Variants in NR2F1-AS1 observed in about 807,000 individuals in gnomAD.
The protein encoded by NR2F1-AS1 is NR2F1 regulatory antisense RNA 1, also known as NR2F1 antisense RNA 1.
chr5:93,503,919 T>C (rs1318315685), intron 4 of NR2F1-AS1, among the ~76,000 whole-genome samples: 1 of 152,290 alleles, frequency 6.6e-6, no homozygotes, highest in Non-Finnish European at 1.5e-5. Context: ...AGCATGGCTA[T>C]ATGCTGAGTC....
chr5:93,518,451 C>T (rs894807014), intron 4 of NR2F1-AS1, among the ~76,000 whole-genome samples: 2 of 152,026 alleles, frequency 1.3e-5, no homozygotes, highest in African/African-American at 4.8e-5. Flanking sequence ...TTCAATAACC[C>T]TTTCAGGGAG....
intron 1 of NR2F1-AS1, chr5:93,569,962 T>C (rs974865757): frequency 6.6e-6 from 1 of 152,160 alleles, no homozygotes; most frequent in African/African-American, 2.4e-5. Context: ...TCCCAACAGA[T>C]TGGCTGGAGG....
intron 4 of NR2F1-AS1, among the ~76,000 whole-genome samples, chr5:93,459,214 T>A (rs933757235): frequency 5.3e-5 from 8 of 152,148 alleles, no homozygotes; most frequent in African/African-American, 1.9e-4. Context: ...ATTCAGATAT[T>A]TCAGATAATT....
At chr5:93,442,874 C>A (rs961836091) in intron 4 of NR2F1-AS1, among the ~76,000 whole-genome samples, 1 of 152,190 alleles carries the variant, frequency 6.6e-6, no homozygotes, top group African/African-American at 2.4e-5. Context: ...GCAACATTTG[C>A]CGTTTTGCAA....
chr5:93,430,946 G>A (rs1749299490), intron 4 of NR2F1-AS1, among the ~76,000 whole-genome samples: 1 of 151,212 alleles, frequency 6.6e-6, no homozygotes, highest in Admixed American at 6.6e-5. Flanking sequence ...AATCCTAAGG[G>A]GTCAGCACTA....
chr5:93,488,154 T>G lies in NR2F1-AS1; in HGVS notation n.638+65607A>C, dbSNP rs183948422. 3.1e-3 allele frequency among the ~76,000 whole-genome samples: 479 copies of G among 152,076 alleles called. 4 individuals are homozygous for G. The highest frequency in any genetic ancestry group is 2.2e-3 in the Non-Finnish European group (149 of 67,960). On this transcript the variant is annotated intron_variant and non_coding_transcript_variant, in intron 4 of 5. Coordinates refer to ENST00000660523, the Ensembl canonical transcript of NR2F1-AS1. ...CATAAAAACCCTAGAAGAAAACCTA[T>G]GCAATATCATTCAGGACATAGGCAT...
chr5:93,526,434 C>T (rs1029709990), intron 4 of NR2F1-AS1, among the ~76,000 whole-genome samples: 6 of 152,158 alleles, frequency 3.9e-5, no homozygotes, highest in African/African-American at 1.4e-4. Context: ...GATCTGGTAC[C>T]ATTCCTTCTG....
chr5:93,455,168 A>G (rs1459848708), intron 4 of NR2F1-AS1, among the ~76,000 whole-genome samples: 12 of 152,210 alleles, frequency 7.9e-5, no homozygotes, highest in Admixed American at 5.2e-4. Flanking sequence ...CCCCACACAC[A>G]GTTTGATGAC....
chr5:93,576,705 A>G (rs1460150313), intron 1 of NR2F1-AS1, among the ~76,000 whole-genome samples: 2 of 152,224 alleles, frequency 1.3e-5, no homozygotes, highest in African/African-American at 4.8e-5. Context: ...GTCTTTAGTC[A>G]GTGAAATATC....
chr5:93,502,628 G>A (rs1751108501), intron 4 of NR2F1-AS1, among the ~76,000 whole-genome samples: 1 of 152,022 alleles, frequency 6.6e-6, no homozygotes, highest in Admixed American at 6.6e-5. Flanking sequence ...CCATTGAAAA[G>A]GGATATTAAA....
At chr5:93,423,879 C>G (rs766622769) in intron 4 of NR2F1-AS1, among the ~76,000 whole-genome samples, 5 of 152,094 alleles carry the variant, frequency 3.3e-5, no homozygotes, top group African/African-American at 1.2e-4. Context: ...GTAAAATTAT[C>G]GTCTCTTAGG....
chr5:93,472,162 C>G (rs1053010655), intron 4 of NR2F1-AS1, among the ~76,000 whole-genome samples: 1 of 151,656 alleles, frequency 6.6e-6, no homozygotes, highest in Admixed American at 6.6e-5. Context: ...TATGCAGAAT[C>G]CTTAATGATA....
intron 4 of NR2F1-AS1, among the ~76,000 whole-genome samples, chr5:93,429,277 C>T (rs1057342620): frequency 6.6e-6 from 1 of 152,090 alleles, no homozygotes; most frequent in East Asian, 1.9e-4. Context: ...TAAAACTCTA[C>T]GAAATAACAA....
At chr5:93,439,380 G>GC (rs1561437010) in intron 4 of NR2F1-AS1, among the ~76,000 whole-genome samples, 1 of 152,038 alleles carries the variant, frequency 6.6e-6, no homozygotes, top group South Asian at 2.1e-4. Flanking sequence ...TGCAGGCTCC[G>GC]CCCCCCGGGG....
chr5:93,471,728 A>G (rs1047642558), intron 4 of NR2F1-AS1, among the ~76,000 whole-genome samples: 2 of 151,906 alleles, frequency 1.3e-5, no homozygotes. Flanking sequence ...TCACATGCAC[A>G]GTAAAGAAAG....
chr5:93,512,123 G>A (rs1487176442), intron 4 of NR2F1-AS1, among the ~76,000 whole-genome samples: 3 of 152,170 alleles, frequency 2.0e-5, no homozygotes, highest in Admixed American at 1.3e-4. Flanking sequence ...TATTATCATA[G>A]AAGATGACAG....
At chr5:93,501,298 G>GT (rs532005550) in intron 4 of NR2F1-AS1, among the ~76,000 whole-genome samples, 5,285 of 140,646 alleles carry the variant, frequency 0.038, 291 homozygotes, top group African/African-American at 0.13. Context: ...AAAGTGAGTT[G>GT]TTTTTTTTTT....
chr5:93,559,212 T>TG (rs1378878725), intron 2 of NR2F1-AS1, among the ~76,000 whole-genome samples: 1 of 152,260 alleles, frequency 6.6e-6, no homozygotes, highest in Non-Finnish European at 1.5e-5. Context: ...CAGCAACACT[T>TG]GCTGTATACT....
At chr5:93,519,934 C>T (rs1033446105) in intron 4 of NR2F1-AS1, among the ~76,000 whole-genome samples, 1 of 151,944 alleles carries the variant, frequency 6.6e-6, no homozygotes, top group African/African-American at 2.4e-5. Context: ...GACATTTCTC[C>T]TAGCAGAGGT....
Sources: allele counts gnomAD v4.1 joint callset (sites outside exome capture counted in the v4.1 genomes callset), GRCh38; gene constraint gnomAD v4.1.1; transcripts MANE v1.5; gene names NCBI Gene and HGNC (gene_info 2026-07-23, HGNC 2026-07-21).